The following SRGAP1 variants were observed in gnomAD, a reference collection of about 807,000 sequenced individuals.
SRGAP1 encodes SLIT-ROBO Rho GTPase-activating protein 1.
SRGAP1 carries 43 observed loss-of-function variants against 121.9 expected under a neutral mutation model. The observed-to-expected ratio is 0.35, with a 90% CI of 0.28 to 0.46. The LOEUF is 0.46. SRGAP1 is among the 20% of genes least tolerant of loss of function. SRGAP1 has a pLI of 1.00. For synonymous variants in SRGAP1, 447 were observed against 485.4 expected, an observed-to-expected ratio of 0.92 and a Z score of 1.04; for missense variants, 1,102 against 1,350.9, an observed-to-expected ratio of 0.82 and a Z score of 2.89.
chr12:64,059,261 T>A (rs945953440), intron 6 of SRGAP1, among the ~76,000 whole-genome samples: 2 of 152,206 alleles, frequency 1.3e-5, no homozygotes, highest in Admixed American at 6.5e-5. Flanking sequence ...AAGCTACACT[T>A]AAAATTTTGA....
In SRGAP1 at chr12:63,902,589, T is replaced by A. The variant is rs566315919; in HGVS notation, c.67+57706T>A. Among the ~76,000 whole-genome samples the A allele has an allele frequency of 2.6e-5, 4 of 152,300 alleles. No homozygotes were observed. The East Asian group carries it at 7.7e-4, about 29-fold the overall frequency. On this transcript the variant is annotated intron_variant, in intron 1 of 21. Transcript: ENST00000355086. ...TCTTCCCTAAAATGATGGACTAGAT[T>A]TGGTTATAAAGTAACTAAATCCATT...
intron 21 of SRGAP1, among the ~76,000 whole-genome samples, chr12:64,129,683 C>T (rs369577120): frequency 6.4e-4 from 97 of 152,274 alleles, no homozygotes; most frequent in African/African-American, 2.2e-3. Flanking sequence ...TTCCTATAAC[C>T]GGAAACACAC....
intron 1 of SRGAP1, among the ~76,000 whole-genome samples, chr12:63,916,718 G>A (rs931987573): frequency 2.6e-5 from 4 of 152,122 alleles, no homozygotes; most frequent in Non-Finnish European, 5.9e-5. Flanking sequence ...GCTGAGAAGG[G>A]GCATAAGGTG....
intron 4 of SRGAP1, among the ~76,000 whole-genome samples, chr12:64,033,361 CTT>C (rs1220024191): frequency 1.3e-5 from 2 of 152,168 alleles, no homozygotes; most frequent in Non-Finnish European, 2.9e-5. Context: ...CTTTGATAAA[CTT>C]GCCCTAAAGA....
rs60508657 is a variant in SRGAP1 at position 63,954,677 on chromosome 12, CA to C, written c.68-29255del. Among the ~76,000 whole-genome samples, 425 of 104,586 alleles carry C rather than the reference CA, an allele frequency of 4.1e-3. 9 individuals carry two copies. The highest frequency in any genetic ancestry group is 0.011 in the African/African-American group (315 of 28,074). The allele number at this position is 104,586 out of a possible 152,430, so 68.6% of individuals were successfully genotyped here. A position where few individuals can be genotyped will look rare whatever the true frequency, so the allele number is the denominator to read the frequency against. On this transcript the variant is annotated intron_variant, in intron 1 of 21. Coordinates refer to ENST00000355086, the MANE Select transcript of SRGAP1 (RefSeq NM_020762.4). Reference sequence around the variant, plus strand: ...TGGGGGACAGAGCGAGACTCCATCTCAAAAAAAAAAAAAAAGAAAAGAAAAA... The same window carrying C: ...TGGGGGACAGAGCGAGACTCCATCTCAAAAAAAAAAAAAAGAAAAGAAAAA...
intron 18 of SRGAP1, among the ~76,000 whole-genome samples, chr12:64,116,211 A>G (rs1357814919): frequency 6.8e-6 from 1 of 148,144 alleles, no homozygotes; most frequent in Non-Finnish European, 1.5e-5. Flanking sequence ...GAACTAGGAT[A>G]GCGCCACTGC....
At chr12:63,898,323 T>G (rs1297627274) in intron 1 of SRGAP1, among the ~76,000 whole-genome samples, 2 of 152,234 alleles carry the variant, frequency 1.3e-5, no homozygotes, top group Non-Finnish European at 2.9e-5. Flanking sequence ...TACAGTCAGC[T>G]CAGGACATCC....
At chr12:64,067,751 T>G (rs2035566030) in intron 8 of SRGAP1, among the ~76,000 whole-genome samples, 2 of 152,126 alleles carry the variant, frequency 1.3e-5, no homozygotes, top group African/African-American at 4.8e-5. Context: ...GATGAACTGA[T>G]GGAGAAGGTG....
In SRGAP1 at chr12:64,160,360, T is replaced by C. The variant is rs1481141957; in HGVS notation, c.*17688T>C. The C allele has an allele frequency of 6.6e-6, 1 of 152,206 alleles. No individual in the cohort carries two copies. The highest frequency in any genetic ancestry group is 2.4e-5 in the African/African-American group (1 of 41,448). The allele number at this position is 152,206 out of a possible 1,614,324, so 9.4% of individuals were successfully genotyped here. ...GAAAGTGTCTTTATCTCACATGTAA[T>C]TGTGATAGTCTGGCTGAGTATAAAA... On this transcript the variant is annotated 3_prime_UTR_variant, in exon 22 of 22. Coordinates refer to ENST00000355086, the MANE Select transcript of SRGAP1 (RefSeq NM_020762.4).
chr12:64,078,861 C>T (rs2035786236), intron 8 of SRGAP1, 58 bp from the exon 9 acceptor site: 3 of 1,561,152 alleles, frequency 1.9e-6, no homozygotes, highest in African/African-American at 1.4e-5. Context: ...TGGACTCTCC[C>T]TGTTTGTGGG....
intron 1 of SRGAP1, among the ~76,000 whole-genome samples, chr12:63,942,585 GT>G (rs1477067629): frequency 1.3e-5 from 2 of 152,116 alleles, no homozygotes; most frequent in Non-Finnish European, 2.9e-5. Flanking sequence ...CTTCAGAAGA[GT>G]TTTTTCCACT....
chr12:64,132,997 A>C (rs1221281012), intron 21 of SRGAP1, among the ~76,000 whole-genome samples: 1 of 152,332 alleles, frequency 6.6e-6, no homozygotes, highest in South Asian at 2.1e-4. Context: ...AAGCAATGAA[A>C]CCACATCTGG....
chr12:64,007,437 G>A (rs1235565575), intron 3 of SRGAP1, among the ~76,000 whole-genome samples: 2 of 152,100 alleles, frequency 1.3e-5, no homozygotes, highest in Non-Finnish European at 2.9e-5. Flanking sequence ...CGGACAGGGG[G>A]CAGAGCTCAG....
At chr12:63,957,596 A>G (rs1310935048) in intron 1 of SRGAP1, among the ~76,000 whole-genome samples, 1 of 152,168 alleles carries the variant, frequency 6.6e-6, no homozygotes, top group Non-Finnish European at 1.5e-5. Flanking sequence ...CAAAGTTTCT[A>G]TAAAATGCTG....
chr12:63,945,845 A>G lies in SRGAP1; in HGVS notation c.68-38102A>G, dbSNP rs187090910. On this transcript the variant is annotated intron_variant, in intron 1 of 21. Transcript: ENST00000355086. ...TCACAGCCAAACTCTTGGCAGCTAG[A>G]AGACTGAGTACTTCAGTCCCAGCAC... Among the ~76,000 whole-genome samples, 40 of 152,282 alleles carry G rather than the reference A, an allele frequency of 2.6e-4. 1 individual carries two copies. Among genetic ancestry groups the G allele is most frequent in the African/African-American group, 8.7e-4 (36 of 41,558 alleles).
chr12:64,048,121 C>G (rs1426885649), intron 6 of SRGAP1, among the ~76,000 whole-genome samples: 1 of 152,086 alleles, frequency 6.6e-6, no homozygotes, highest in Non-Finnish European at 1.5e-5. Context: ...TTCGTTCTAT[C>G]TAACTATATT....
intron 1 of SRGAP1, among the ~76,000 whole-genome samples, chr12:63,885,910 A>G (rs1031885584): frequency 6.6e-6 from 1 of 152,250 alleles, no homozygotes; most frequent in African/African-American, 2.4e-5. Flanking sequence ...TGTGCTATGT[A>G]GAATCATCGG....
At chr12:63,860,408 G>A (rs935486772) in intron 1 of SRGAP1, among the ~76,000 whole-genome samples, 1 of 152,102 alleles carries the variant, frequency 6.6e-6, no homozygotes, top group Admixed American at 6.6e-5. Flanking sequence ...TTTGAAATTA[G>A]TTGGAGGTTG....
intron 1 of SRGAP1, among the ~76,000 whole-genome samples, chr12:63,873,839 G>A (rs1023219725): frequency 2.0e-5 from 3 of 151,202 alleles, no homozygotes; most frequent in African/African-American, 7.3e-5. Context: ...GACCAACCTG[G>A]TAACGTGACG....
Sources: gnomAD v4.1 joint callset for allele counts (sites outside exome capture counted in the v4.1 genomes callset) on GRCh38, gnomAD v4.1.1 for gene constraint, MANE v1.5 for transcripts, NCBI Gene and HGNC (gene_info 2026-07-23, HGNC 2026-07-21) for gene names.